MYO16: variants seen among roughly 807,000 people sequenced by gnomAD.
MYO16 encodes the protein unconventional myosin-XVI.
A neutral mutation model predicts 205.3 loss-of-function variants in MYO16; 94 were observed. The ratio of observed to expected loss-of-function variants is 0.46; its 90% CI spans 0.39 to 0.54. The LOEUF is 0.54. MYO16 is among the 20% of genes least tolerant of loss of function. The pLI is 0.00. For missense variants in MYO16, 2,315 were observed against 2,387.5 expected (o/e 0.97, Z 0.63); for synonymous variants, 988 against 954.0 (o/e 1.04, Z -0.66).
At chr13:109,070,972 A>G (rs1327037801) in intron 27 of MYO16, among the ~76,000 whole-genome samples, 1 of 152,200 alleles carries the variant, frequency 6.6e-6, no homozygotes, top group Admixed American at 6.5e-5. Context: ...TACTCATGGC[A>G]TGCTCTACTA....
intron 27 of MYO16, among the ~76,000 whole-genome samples, chr13:109,074,318 G>A (rs894512619): frequency 6.6e-6 from 1 of 152,098 alleles, no homozygotes; most frequent in Non-Finnish European, 1.5e-5. Flanking sequence ...TTTGCCTCCT[G>A]TATTAGTCCG....
In MYO16 at chr13:108,900,989, G is replaced by A. The variant is rs140723657; in HGVS notation, c.1777+2856G>A. 3.0e-4 allele frequency among the ~76,000 whole-genome samples: 45 copies of A among 152,280 alleles called. No homozygotes were observed. In the East Asian group the frequency reaches 5.0e-3, roughly 17 times the overall value. On this transcript the variant is annotated intron_variant, in intron 15 of 34. Transcript: ENST00000457511. ...CGCTTTGGGGATGGCTGTCTTTTAC[G>A]GTTGTAGCAGAGGGATGAAATAAGC...
rs559924734 is a variant in MYO16, at chr13:108,731,365, A to G, written c.507+3782A>G. ...GAATTCAGCCTGAAAAATATTGACA[A>G]TATTAACTCATAGGTAATAAAAGCT... On this transcript the variant is annotated intron_variant, in intron 4 of 34. Transcript: ENST00000457511. Among the ~76,000 whole-genome samples the G allele has an allele frequency of 1.8e-3, 269 of 152,196 alleles. 1 individual carries two copies. Among genetic ancestry groups the G allele is most frequent in the Non-Finnish European group, 3.4e-3 (234 of 68,040 alleles).
chr13:109,093,360 C>G (rs1196809724), intron 27 of MYO16, among the ~76,000 whole-genome samples: 1 of 152,110 alleles, frequency 6.6e-6, no homozygotes, highest in Non-Finnish European at 1.5e-5. Context: ...CCCAAATGCT[C>G]AGTACTGCCC....
chr13:109,143,167 C>T (rs1441965778), intron 32 of MYO16, among the ~76,000 whole-genome samples: 3 of 151,998 alleles, frequency 2.0e-5, no homozygotes, highest in Non-Finnish European at 4.4e-5. Flanking sequence ...GCTCCTTCAC[C>T]AAAAGAAAAT....
At chr13:108,692,709 G>A (rs1882945546) in intron 2 of MYO16, among the ~76,000 whole-genome samples, 1 of 152,206 alleles carries the variant, frequency 6.6e-6, no homozygotes, top group Admixed American at 6.5e-5. Context: ...TGGGGCATAT[G>A]TCTGAGGGTT....
chr13:109,041,516 G>A (rs932867941), intron 23 of MYO16, among the ~76,000 whole-genome samples: 3 of 152,210 alleles, frequency 2.0e-5, no homozygotes, highest in African/African-American at 7.2e-5. Context: ...AACGGAATAA[G>A]GACACAGAAA....
At chr13:108,531,497 C>T in the MYO16 span, among the ~76,000 whole-genome samples, 4 of 151,848 alleles carry the variant, frequency 2.6e-5, no homozygotes, top group South Asian at 2.1e-4. Flanking sequence ...AAGTGGGCTT[C>T]GGGAGAAGAG....
chr13:109,053,436 T>C (rs1887314395), intron 25 of MYO16, among the ~76,000 whole-genome samples: 1 of 151,912 alleles, frequency 6.6e-6, no homozygotes, highest in African/African-American at 2.4e-5. Flanking sequence ...ATGGCATTTT[T>C]TACATTAAAA....
At chr13:108,919,098 T>G (rs1881629802) in intron 16 of MYO16, among the ~76,000 whole-genome samples, 1 of 152,244 alleles carries the variant, frequency 6.6e-6, no homozygotes, top group African/African-American at 2.4e-5. Flanking sequence ...TTCAGAGTTT[T>G]GTTTCTGGCC....
chr13:108,623,678 G>A (rs575173319), intron 1 of MYO16, among the ~76,000 whole-genome samples: 37 of 152,174 alleles, frequency 2.4e-4, no homozygotes, highest in Middle Eastern at 3.4e-3. Flanking sequence ...TATATGTCAT[G>A]CACCAGAAAA....
chr13:108,902,391 T>TTA (rs1880753530), intron 15 of MYO16, among the ~76,000 whole-genome samples: 2 of 152,202 alleles, frequency 1.3e-5, no homozygotes, highest in African/African-American at 4.8e-5. Flanking sequence ...CAGAGTAGCT[T>TTA]AATAGCATGT....
chr13:109,138,891 C>T (rs1482498301), intron 31 of MYO16, among the ~76,000 whole-genome samples: 2 of 152,156 alleles, frequency 1.3e-5, no homozygotes, highest in Non-Finnish European at 2.9e-5. Context: ...AATCTCAGTT[C>T]ACTGCATCCT....
At chr13:109,001,377 G>A (rs1169768940) in intron 21 of MYO16, among the ~76,000 whole-genome samples, 1 of 152,080 alleles carries the variant, frequency 6.6e-6, no homozygotes, top group Non-Finnish European at 1.5e-5. Flanking sequence ...ACCCTTCTCT[G>A]CTGTGGCTAC....
intron 16 of MYO16, among the ~76,000 whole-genome samples, chr13:108,927,302 C>G (rs1198405063): frequency 6.6e-6 from 1 of 152,152 alleles, no homozygotes; most frequent in Non-Finnish European, 1.5e-5. Context: ...CTTCCTCCAC[C>G]CAACAACAAG....
chr13:108,625,519 C>T (rs1313036169), upstream of MYO16, among the ~76,000 whole-genome samples: 1 of 152,134 alleles, frequency 6.6e-6, no homozygotes, highest in Non-Finnish European at 1.5e-5. Flanking sequence ...AGTTATGTTC[C>T]CAGGAGAGGT....
At chr13:108,967,194 A>C (rs1460124864) in intron 20 of MYO16, among the ~76,000 whole-genome samples, 1 of 146,574 alleles carries the variant, frequency 6.8e-6, no homozygotes, top group South Asian at 2.2e-4. Context: ...TGTATTTGTA[A>C]ATTTGGCAAG....
chr13:108,658,408 CT>C (rs907070896), intron 1 of MYO16, among the ~76,000 whole-genome samples: 22 of 137,436 alleles, frequency 1.6e-4, no homozygotes, highest in East Asian at 1.3e-3. Flanking sequence ...TTTCTTCCTT[CT>C]TTTTTTTGTT....
intron 14 of MYO16, among the ~76,000 whole-genome samples, chr13:108,889,209 G>A (rs556922172): frequency 1.3e-5 from 2 of 151,138 alleles, no homozygotes; most frequent in African/African-American, 4.9e-5. Context: ...TAAAGACTTC[G>A]ATGGGCAGGC....
Sources: gnomAD v4.1 joint callset for allele counts (sites outside exome capture counted in the v4.1 genomes callset) on GRCh38, gnomAD v4.1.1 for gene constraint, MANE v1.5 for transcripts, NCBI Gene and HGNC (gene_info 2026-07-23, HGNC 2026-07-21) for gene names.